MAP4K3: variants seen among roughly 807,000 people sequenced by gnomAD.
The protein encoded by MAP4K3 is MAPK/ERK kinase kinase kinase 3.
In MAP4K3, 94 loss-of-function variants were observed where a neutral mutation model predicts 143.5. The ratio of observed to expected loss-of-function variants is 0.65; its 90% CI spans 0.55 to 0.78. MAP4K3 has a LOEUF of 0.78. Among genes scored for constraint, MAP4K3 ranks in the 30% least tolerant of loss-of-function variants. The pLI is 0.00. For missense variants in MAP4K3, 1,077 were observed against 1,068.1 expected (o/e 1.01, Z -0.12); for synonymous variants, 416 against 347.2 (o/e 1.20, Z -2.20).
At chr2:39,341,189 T>G (rs1281249119) in intron 4 of MAP4K3, among the ~76,000 whole-genome samples, 3 of 152,112 alleles carry the variant, frequency 2.0e-5, no homozygotes, top group Non-Finnish European at 2.9e-5. Context: ...GATCAATAAT[T>G]AGACTGACAG....
Position 39,389,490 on chromosome 2 carries a change from C to T in MAP4K3, c.97-11367G>A, listed in dbSNP as rs185938790. Among the ~76,000 whole-genome samples the T allele has an allele frequency of 2.5e-3, 388 of 152,170 alleles. 2 individuals are homozygous for T. The highest frequency in any genetic ancestry group is 0.024 in the Middle Eastern group (7 of 294). ...AACAAGAAATCCACATCTAGACACA[C>T]TACATGAAACTGCAAAAAAACTAAA... On this transcript the variant is annotated intron_variant, in intron 1 of 33. Transcript: ENST00000263881.
At chr2:39,369,193 G>GTTTTTTTTTTTTTTTTTTTTTTTT (rs1553419595) in intron 2 of MAP4K3, among the ~76,000 whole-genome samples, 1 of 37,972 alleles carries the variant, frequency 2.6e-5, no homozygotes, top group African/African-American at 5.8e-5. Context: ...CTTTGGGCTA[G>GTTTTTTTTTTTTTTTTTTTTTTTT]TTTTTTTTTT....
At chr2:39,349,926 A>G (rs1432727548) in intron 3 of MAP4K3, among the ~76,000 whole-genome samples, 2 of 152,206 alleles carry the variant, frequency 1.3e-5, no homozygotes, top group East Asian at 3.8e-4. Context: ...TGGTAAAGGA[A>G]CGTATCTGTA....
chr2:39,319,143 C>T (rs187290848), intron 12 of MAP4K3, among the ~76,000 whole-genome samples: 1 of 152,112 alleles, frequency 6.6e-6, no homozygotes, highest in Admixed American at 6.6e-5. Flanking sequence ...AGAACTCCTA[C>T]AAGCAAATGC....
intron 1 of MAP4K3, among the ~76,000 whole-genome samples, chr2:39,407,233 A>G (rs975336668): frequency 5.3e-5 from 8 of 152,218 alleles, no homozygotes; most frequent in African/African-American, 1.9e-4. Context: ...AGCAAATAGC[A>G]TATGAAAAAG....
At chr2:39,339,205 T>C (rs567768429) in intron 4 of MAP4K3, among the ~76,000 whole-genome samples, 1 of 152,186 alleles carries the variant, frequency 6.6e-6, no homozygotes, top group South Asian at 2.1e-4. Context: ...TCTATTCCAA[T>C]TAGATTATTT....
At chr2:39,294,780 T>C (rs1682200336) in intron 16 of MAP4K3, among the ~76,000 whole-genome samples, 2 of 152,248 alleles carry the variant, frequency 1.3e-5, no homozygotes, top group Non-Finnish European at 1.5e-5. Context: ...TTATTACTAT[T>C]GGCTAAATAA....
At chr2:39,431,507 T>C (rs1360341154) in intron 1 of MAP4K3, among the ~76,000 whole-genome samples, 2 of 152,138 alleles carry the variant, frequency 1.3e-5, no homozygotes, top group African/African-American at 4.8e-5. Flanking sequence ...CTGAACTGTA[T>C]CCCTGAAAGT....
chr2:39,357,294 AG>A (rs1408104194), intron 2 of MAP4K3, among the ~76,000 whole-genome samples: 1 of 152,260 alleles, frequency 6.6e-6, no homozygotes, highest in Admixed American at 6.5e-5. Flanking sequence ...AAAGAAAAGT[AG>A]CTTTGTATTA....
rs1039879553 is a variant in MAP4K3 at position 39,382,022 on chromosome 2, C to T, written c.97-3899G>A. 3.3e-5 allele frequency among the ~76,000 whole-genome samples: 5 copies of T among 152,274 alleles called. 1 individual carries two copies. The highest frequency in any genetic ancestry group is 1.9e-4 in the East Asian group (1 of 5,188). On this transcript the variant is annotated intron_variant, in intron 1 of 33. Coordinates refer to ENST00000263881, the MANE Select transcript of MAP4K3 (RefSeq NM_003618.4). ...TGAGGAAAATCCTGCAGGTCTAGAC[C>T]GATCTCGGCTTAGAGGGGCTCTGGG...
At chr2:39,358,140 G>A (rs1573194081) in intron 2 of MAP4K3, among the ~76,000 whole-genome samples, 1 of 152,188 alleles carries the variant, frequency 6.6e-6, no homozygotes, top group East Asian at 1.9e-4. Context: ...AATAAACTCT[G>A]TGTATTGTTT....
chr2:39,292,335 G>C (rs896730793), intron 18 of MAP4K3, among the ~76,000 whole-genome samples: 4 of 152,138 alleles, frequency 2.6e-5, no homozygotes, highest in Non-Finnish European at 5.9e-5. Context: ...GGGTTTTTAG[G>C]AAGTAATTAA....
intron 16 of MAP4K3, among the ~76,000 whole-genome samples, chr2:39,296,037 T>G (rs985527254): frequency 6.6e-6 from 1 of 152,126 alleles, no homozygotes; most frequent in Non-Finnish European, 1.5e-5. Flanking sequence ...ATTCCACTTT[T>G]TTAAAAAGAA....
Position 39,385,631 on chromosome 2 carries a change from AT to A in MAP4K3, c.97-7509del, listed in dbSNP as rs373126017. ...TCCTTTGTCAGATATATGATTTGCAATTTTTTTTTTTTTTTGAGACGAAGTT... is the reference window on the plus strand; with the variant it reads ...TCCTTTGTCAGATATATGATTTGCAATTTTTTTTTTTTTTGAGACGAAGTT... On this transcript the variant is annotated intron_variant, in intron 1 of 33. Transcript: ENST00000263881. Among the ~76,000 whole-genome samples the A allele has an allele frequency of 9.0e-3, 1,086 of 120,422 alleles. 17 individuals are homozygous for A. Among genetic ancestry groups the A allele is most frequent in the African/African-American group, 0.026 (790 of 30,114 alleles). 79.0% of individuals were successfully genotyped at this position (120,422 alleles called of 152,430 possible).
chr2:39,355,213 T>C (rs1665576321), intron 3 of MAP4K3, among the ~76,000 whole-genome samples: 1 of 151,644 alleles, frequency 6.6e-6, no homozygotes, highest in African/African-American at 2.4e-5. Flanking sequence ...CACAAAAAAT[T>C]AGCTGGGCGT....
chr2:39,374,276 T>C (rs1666159435), intron 2 of MAP4K3, among the ~76,000 whole-genome samples: 1 of 151,916 alleles, frequency 6.6e-6, no homozygotes, highest in Non-Finnish European at 1.5e-5. Flanking sequence ...CAGCTATTCA[T>C]GAAGATTGCT....
At chr2:39,356,567 C>G (rs1474007556) in intron 2 of MAP4K3, among the ~76,000 whole-genome samples, 1 of 152,162 alleles carries the variant, frequency 6.6e-6, no homozygotes, top group Non-Finnish European at 1.5e-5. Flanking sequence ...TGGTCCCAGA[C>G]TTTCTGGATT....
intron 1 of MAP4K3, among the ~76,000 whole-genome samples, chr2:39,409,282 C>A (rs1225115157): frequency 1.3e-5 from 2 of 152,322 alleles, no homozygotes; most frequent in East Asian, 3.9e-4. Context: ...TTTATATTAT[C>A]AGTAAGACCT....
rs746352110 is a variant in MAP4K3, at chr2:39,282,514, T to G, written c.1628A>C (p.His543Pro). Residue 543 changes from histidine to proline, a missense_variant and splice_region_variant, in exon 22 of 34, where the codon CAT (histidine) becomes CCT (proline). His to Pro is a moderately conservative substitution (Grantham distance 77). This residue lies in a region of MAP4K3 where 864 missense variants were observed against 801.2 expected (regional missense o/e 1.08). Transcript: ENST00000263881. ...SNGLPPTPKV[H>P]MGACFSKVFN... The stretch of plus-strand genomic sequence containing the variant: ...GCCTACTCCATATTTAGTACTTACA[T>G]GCACTTTAGGTGTTGGAGGAAGACC... 1 of 1,610,736 alleles carries G rather than the reference T, an allele frequency of 6.2e-7. No individual in the cohort carries two copies. Among genetic ancestry groups the G allele is most frequent in the Non-Finnish European group, 8.5e-7 (1 of 1,177,720 alleles).
Sources: allele counts gnomAD v4.1 joint callset (sites outside exome capture counted in the v4.1 genomes callset), GRCh38; gene constraint gnomAD v4.1.1; regional missense constraint gnomAD v4.1.1; transcripts MANE v1.5; gene names NCBI Gene and HGNC (gene_info 2026-07-23, HGNC 2026-07-21).